The following PATZ1 variants were observed in gnomAD, a reference collection of about 807,000 sequenced individuals.
PATZ1 encodes the protein POZ-, AT hook-, and zinc finger-containing protein 1.
Under a neutral mutation model 46.2 loss-of-function variants are expected in PATZ1, and 9 were observed. The ratio of observed to expected loss-of-function variants is 0.19; its 90% CI spans 0.12 to 0.34. The LOEUF is 0.34. PATZ1 is among the 10% of genes least tolerant of loss of function. The probability of loss-of-function intolerance (pLI) is 1.00; values close to 1 mark genes in which losing one functional copy is unlikely to be tolerated. For synonymous variants in PATZ1, 426 were observed against 378.6 expected (o/e 1.13, Z -1.45); for missense variants, 632 against 923.0 (o/e 0.68, Z 4.08).
chr22:31,334,945 A>G (rs1330871617), intron 3 of PATZ1, among the ~76,000 whole-genome samples: 2 of 152,004 alleles, frequency 1.3e-5, no homozygotes, highest in African/African-American at 2.4e-5. Flanking sequence ...AGCTGCTCCA[A>G]CCTCCTTTAG....
Position 31,344,747 on chromosome 22 carries a change from G to A in PATZ1, c.856C>T (p.Leu286=), listed in dbSNP as rs760170719. 3 of 1,609,712 alleles carry A rather than the reference G, an allele frequency of 1.9e-6. No homozygotes were observed. The highest frequency in any genetic ancestry group is 2.2e-5 in the East Asian group (1 of 44,772). ...CATGGAAGGATGCCTGCCTCCCTCA[G>A]GCCCCCTGGGGACCCAAACATTGAG... ...LDSMFGSPGG[L]REAGILPCGL... Residue 286 remains leucine, a synonymous_variant, in exon 1 of 5, where the codon CTG becomes TTG. Coordinates refer to ENST00000266269, the MANE Select transcript of PATZ1 (RefSeq NM_014323.3).
intron 1 of PATZ1, chr22:31,343,186 GTC>G: frequency 7.0e-6 from 9 of 1,287,928 alleles, no homozygotes; most frequent in Non-Finnish European, 8.9e-6. Context: ...ATGGGCATTT[GTC>G]TCTGATTTTG....
Position 31,345,858 on chromosome 22 carries a change from C to T in PATZ1, c.-256G>A. 2.5e-6 allele frequency: 1 copy of T among 397,972 alleles called. No individual in the cohort carries two copies. Among genetic ancestry groups the T allele is most frequent in the Non-Finnish European group, 4.4e-6 (1 of 224,912 alleles). The allele number at this position is 397,972 out of a possible 1,614,324, so 24.7% of individuals were successfully genotyped here. A position where few individuals can be genotyped will look rare whatever the true frequency, so the allele number is the denominator to read the frequency against. ...TGCGCGCCACTCTCTCCTCTCCGCC[C>T]GCCCGCCTCCCCTTCCCGGTCTACC... On this transcript the variant is annotated 5_prime_UTR_variant, in exon 1 of 5. Coordinates refer to ENST00000266269, the MANE Select transcript of PATZ1 (RefSeq NM_014323.3). The surrounding 1 kb of genome is among the most constrained non-coding windows in gnomAD (Gnocchi z 7.4).
intron 3 of PATZ1, among the ~76,000 whole-genome samples, chr22:31,333,476 CTTTTTTT>C (rs71319182): frequency 0.024 from 3,102 of 128,776 alleles, 97 homozygotes; most frequent in African/African-American, 0.088. Context: ...TATCCTCTTC[CTTTTTTT>C]TTTTTTTTTT....
In PATZ1 at chr22:31,327,354, G is replaced by A; in HGVS notation, c.1646-45C>T. 6.5e-7 allele frequency: 1 copy of A among 1,530,934 alleles called. No homozygotes were observed. Among genetic ancestry groups the A allele is most frequent in the Non-Finnish European group, 8.9e-7 (1 of 1,119,852 alleles). The allele number at this position is 1,530,934 out of a possible 1,614,324, so 94.8% of individuals were successfully genotyped here. A position where few individuals can be genotyped will look rare whatever the true frequency, so the allele number is the denominator to read the frequency against. On this transcript the variant is annotated intron_variant, in intron 4 of 4. Transcript: ENST00000266269. This position sits in a 1 kb window ranked among gnomAD's most constrained non-coding sequence, Gnocchi z 4.2. ...AGGAGAGCGATGAGGCCAGGCTCTG[G>A]AGATGCCCCCTCCTGGAGGGGTCAT...
At position 31,345,183 on chromosome 22, in the gene PATZ1, G is replaced by A. The variant is rs995060652; in HGVS notation, c.420C>T (p.Ala140=). 1.2e-6 allele frequency: 2 copies of A among 1,614,080 alleles called. No individual in the cohort carries two copies. Among genetic ancestry groups the A allele is most frequent in the African/African-American group, 1.3e-5 (1 of 74,924 alleles). Residue 140 remains alanine, a synonymous_variant, in exon 1 of 5, where the codon GCC becomes GCT. Coordinates refer to ENST00000266269, the MANE Select transcript of PATZ1 (RefSeq NM_014323.3). The surrounding 1 kb of genome is among the most constrained non-coding windows in gnomAD (Gnocchi z 7.4). ...LESFPELMTA[A]KFLLMRSVIE... Reference sequence around the variant, plus strand: ...TAACCGACCTCATCAGCAGGAACTTGGCGGCCGTCATGAGTTCGGGAAAGC... The same window carrying A: ...TAACCGACCTCATCAGCAGGAACTTAGCGGCCGTCATGAGTTCGGGAAAGC...
intron 1 of PATZ1, 32 bp from the exon 2 acceptor site, chr22:31,342,992 A>C (rs767533416): frequency 1.2e-6 from 2 of 1,613,490 alleles, no homozygotes; most frequent in African/African-American, 2.7e-5. Context: ...GGGACTTTAG[A>C]AACTTGGCCA....
intron 2 of PATZ1, chr22:31,341,242 C>T: frequency 7.2e-7 from 1 of 1,381,950 alleles, no homozygotes; most frequent in Non-Finnish European, 9.3e-7. Flanking sequence ...CCTTGCTACC[C>T]CCATTTGGGG....
Position 31,326,858 on chromosome 22 carries a change from G to C in PATZ1, c.*33C>G, listed in dbSNP as rs765639616. 10 of 1,570,546 alleles carry C rather than the reference G, an allele frequency of 6.4e-6. No individual in the cohort carries two copies. Among genetic ancestry groups the C allele is most frequent in the South Asian group, 2.3e-5 (2 of 86,220 alleles). On this transcript the variant is annotated 3_prime_UTR_variant, in exon 5 of 5. Transcript: ENST00000266269. ...TCACAGCATTTCCCAGCAGTCCCCA[G>C]ATGGTTGTTTCCGTGGGGACACAGC...
In PATZ1 at chr22:31,326,006, TA is replaced by T. The variant is rs2049367484; in HGVS notation, c.*884del. On this transcript the variant is annotated 3_prime_UTR_variant, in exon 5 of 5. Coordinates refer to ENST00000266269, the MANE Select transcript of PATZ1 (RefSeq NM_014323.3). ...CATTTTTTAAAATTTTGCATAAAAC[TA>T]TTTCTTCCATAGACTTCAAACAATC... 9.4e-6 allele frequency: 2 copies of T among 212,516 alleles called. No individual in the cohort carries two copies. Among genetic ancestry groups the T allele is most frequent in the African/African-American group, 2.3e-5 (1 of 44,180 alleles). 13.2% of individuals were successfully genotyped at this position (212,516 alleles called of 1,614,324 possible).
chr22:31,331,496 T>C (rs555376104), intron 3 of PATZ1, among the ~76,000 whole-genome samples: 93 of 152,108 alleles, frequency 6.1e-4, no homozygotes, highest in Middle Eastern at 3.4e-3. Flanking sequence ...CCCGCCACCA[T>C]ACCTGGCTAA....
chr22:31,335,643 A>G (rs774262777), intron 3 of PATZ1, 49 bp downstream of exon 3: 1 of 1,576,440 alleles, frequency 6.3e-7, no homozygotes, highest in South Asian at 1.1e-5. Context: ...GGCCTCCCAT[A>G]CACGCTCAGG....
rs1225741850 is a variant in PATZ1 at position 31,328,734 on chromosome 22, C to T, written c.1645+53G>A. Reference sequence around the variant, plus strand: ...GCCTCCCCACGCCCAGCCCAGCGCCCCCACAACACAGTCTGCGCAGAGAAG... The same window carrying T: ...GCCTCCCCACGCCCAGCCCAGCGCCTCCACAACACAGTCTGCGCAGAGAAG... On this transcript the variant is annotated intron_variant, in intron 4 of 4. Coordinates refer to ENST00000266269, the MANE Select transcript of PATZ1 (RefSeq NM_014323.3). The surrounding 1 kb of genome is among the most constrained non-coding windows in gnomAD (Gnocchi z 4.8). 6.3e-6 allele frequency: 10 copies of T among 1,576,162 alleles called. No individual in the cohort carries two copies. Among genetic ancestry groups the T allele is most frequent in the Non-Finnish European group, 7.0e-6 (8 of 1,147,720 alleles).
chr22:31,326,605 A>C lies in PATZ1; in HGVS notation c.*286T>G. 2.9e-6 allele frequency: 1 copy of C among 346,196 alleles called. No homozygotes were observed. Among genetic ancestry groups the C allele is most frequent in the Non-Finnish European group, 5.3e-6 (1 of 190,462 alleles). The allele number at this position is 346,196 out of a possible 1,614,324, so 21.4% of individuals were successfully genotyped here. A position where few individuals can be genotyped will look rare whatever the true frequency, so the allele number is the denominator to read the frequency against. ...GCACCAGGAATTCCAGCTTCTTCCC[A>C]TTAAAGAAACTGGGACTGGTTTTGC... On this transcript the variant is annotated 3_prime_UTR_variant, in exon 5 of 5. Coordinates refer to ENST00000266269, the MANE Select transcript of PATZ1 (RefSeq NM_014323.3).
chr22:31,340,159 G>A (rs1260147250), intron 2 of PATZ1, among the ~76,000 whole-genome samples: 1 of 152,210 alleles, frequency 6.6e-6, no homozygotes, highest in Non-Finnish European at 1.5e-5. Context: ...AAATCCAGCA[G>A]TACCTGGGGC....
intron 2 of PATZ1, among the ~76,000 whole-genome samples, chr22:31,336,200 T>C (rs1005599896): frequency 6.6e-6 from 1 of 152,238 alleles, no homozygotes; most frequent in Non-Finnish European, 1.5e-5. Flanking sequence ...GAATTGACTT[T>C]AGGTGCATTA....
At position 31,341,632 on chromosome 22, in the gene PATZ1, C is replaced by A. The variant is rs749224350; in HGVS notation, c.1335+1265G>T. On this transcript the variant is annotated intron_variant, in intron 2 of 4. Coordinates refer to ENST00000266269, the MANE Select transcript of PATZ1 (RefSeq NM_014323.3). ...TGGGCAAAGTCCCATGATGGCAGGT[C>A]GCTAGGAAGAGGTTCCAGGGGCGGC... is the stretch of plus-strand genomic sequence containing the variant. 3.1e-6 allele frequency: 5 copies of A among 1,613,872 alleles called. No homozygotes were observed. The East Asian group carries it at 1.1e-4, about 36-fold the overall frequency.
Position 31,327,016 on chromosome 22 carries a change from A to G in PATZ1, c.1939T>C (p.Phe647Leu). The G allele has an allele frequency of 6.2e-7, 1 of 1,614,232 alleles. No homozygotes were observed. ...GDLGPALGSP[F>L]SPQQNMSLLE... ...AGAGACATGTTCTGCTGAGGAGAGAAAGGTGAGCCAAGGGCAGGGCCCAGG... is the reference window on the plus strand; with the variant it reads ...AGAGACATGTTCTGCTGAGGAGAGAGAGGTGAGCCAAGGGCAGGGCCCAGG... Residue 647 changes from phenylalanine to leucine, a missense_variant, in exon 5 of 5, where the codon TTC (phenylalanine) becomes CTC (leucine). Phe to Leu is a conservative substitution (Grantham distance 22). Transcript: ENST00000266269. The surrounding 1 kb of genome is among the most constrained non-coding windows in gnomAD (Gnocchi z 4.2).
At chr22:31,341,299 A>T in intron 2 of PATZ1, 1 of 1,458,276 alleles carries the variant, frequency 6.9e-7, no homozygotes, top group South Asian at 1.6e-5. Flanking sequence ...GGAGCTGGGC[A>T]TGCTGGGCAG....
Sources: allele counts gnomAD v4.1 joint callset (sites outside exome capture counted in the v4.1 genomes callset), GRCh38; gene constraint gnomAD v4.1.1; non-coding constraint Gnocchi (gnomAD v3.1); transcripts MANE v1.5; gene names NCBI Gene and HGNC (gene_info 2026-07-23, HGNC 2026-07-21).